SLC8A1: variants seen among roughly 807,000 people sequenced by gnomAD.
SLC8A1 encodes sodium/calcium exchanger 1.
In SLC8A1, 18 loss-of-function variants were observed where a neutral mutation model predicts 68.3. The ratio of observed to expected loss-of-function variants is 0.26; its 90% CI spans 0.18 to 0.39. SLC8A1 has a LOEUF of 0.39. SLC8A1 is among the 10% of genes least tolerant of loss of function. The probability of loss-of-function intolerance (pLI) is 1.00; values close to 1 mark genes in which losing one functional copy is unlikely to be tolerated. For synonymous variants in SLC8A1, 475 were observed against 415.5 expected, an observed-to-expected ratio of 1.14 and a Z score of -1.74; for missense variants, 985 against 1,156.7, an observed-to-expected ratio of 0.85 and a Z score of 2.15.
chr2:40,465,072 C>T (rs1703583084), intron 1 of SLC8A1, among the ~76,000 whole-genome samples: 1 of 152,110 alleles, frequency 6.6e-6, no homozygotes, highest in Non-Finnish European at 1.5e-5. Flanking sequence ...TTGCAAATCT[C>T]TAGAGAAGAA....
At chr2:40,158,261 G>GT (rs1454150114) in intron 6 of SLC8A1, among the ~76,000 whole-genome samples, 7 of 152,270 alleles carry the variant, frequency 4.6e-5, no homozygotes, top group Admixed American at 1.3e-4. Flanking sequence ...TATTGCCTGT[G>GT]TAACAGCCTA....
chr2:40,454,320 T>A (rs991400047), upstream of SLC8A1, among the ~76,000 whole-genome samples: 6 of 152,120 alleles, frequency 3.9e-5, no homozygotes, highest in African/African-American at 1.2e-4. Context: ...TTCACTGGAA[T>A]AGATTTTGTG....
intron 1 of SLC8A1, 75 bp from the exon 2 acceptor site, chr2:40,430,379 T>C (rs1428996112): frequency 1.4e-6 from 2 of 1,402,168 alleles, no homozygotes; most frequent in Non-Finnish European, 1.9e-6. Context: ...CATTACTAAT[T>C]ACTTATTTTT....
chr2:40,449,269 T>C (rs1235273450), intron 1 of SLC8A1, among the ~76,000 whole-genome samples: 2 of 152,176 alleles, frequency 1.3e-5, no homozygotes. Flanking sequence ...CTTGGCTGGC[T>C]TTTTAAAGGG....
intron 4 of SLC8A1, among the ~76,000 whole-genome samples, chr2:40,172,765 AC>A (rs1558616754): frequency 1.3e-5 from 2 of 152,024 alleles, no homozygotes; most frequent in Admixed American, 6.5e-5. Context: ...ACATGGTGAA[AC>A]CTTGTCTCTA....
intron 6 of SLC8A1, among the ~76,000 whole-genome samples, chr2:40,150,368 G>T (rs1330239696): frequency 6.6e-6 from 1 of 152,172 alleles, no homozygotes; most frequent in Admixed American, 6.5e-5. Flanking sequence ...GTTTGTGTGT[G>T]GTGGAGGGTG....
At chr2:40,327,831 A>G (rs571575986) in intron 2 of SLC8A1, among the ~76,000 whole-genome samples, 2 of 152,296 alleles carry the variant, frequency 1.3e-5, no homozygotes, top group East Asian at 3.9e-4. Context: ...GGGATCAGTC[A>G]TACCCCAAAC....
intron 1 of SLC8A1, among the ~76,000 whole-genome samples, chr2:40,494,617 A>G (rs747215282): frequency 6.9e-6 from 1 of 144,178 alleles, no homozygotes; most frequent in Non-Finnish European, 1.5e-5. Flanking sequence ...CGTTGTGTAC[A>G]TGTACCCTAG....
intron 2 of SLC8A1, among the ~76,000 whole-genome samples, chr2:40,233,716 T>C (rs182380173): frequency 6.7e-6 from 1 of 149,908 alleles, no homozygotes; most frequent in Admixed American, 6.7e-5. Flanking sequence ...CTTCTAGGGT[T>C]TTTATGGTTT....
At chr2:40,140,722 C>G (rs973747142) in intron 6 of SLC8A1, among the ~76,000 whole-genome samples, 7 of 152,222 alleles carry the variant, frequency 4.6e-5, no homozygotes, top group Non-Finnish European at 8.8e-5. Flanking sequence ...ATCTTTGTGT[C>G]CCTGCTGTTT....
At chr2:40,155,807 C>G (rs2044365471) in intron 6 of SLC8A1, among the ~76,000 whole-genome samples, 1 of 152,080 alleles carries the variant, frequency 6.6e-6, no homozygotes, top group South Asian at 2.1e-4. Flanking sequence ...AGGTGACATG[C>G]CCTCTACTTA....
At chr2:40,181,410 T>C (rs753478571) in intron 2 of SLC8A1, among the ~76,000 whole-genome samples, 1 of 152,182 alleles carries the variant, frequency 6.6e-6, no homozygotes, top group African/African-American at 2.4e-5. Context: ...TTGAAGTACT[T>C]GATAACTATG....
intron 2 of SLC8A1, among the ~76,000 whole-genome samples, chr2:40,339,894 T>C (rs1180568845): frequency 6.6e-6 from 1 of 152,234 alleles, no homozygotes; most frequent in African/African-American, 2.4e-5. Flanking sequence ...TCCTATTGCA[T>C]ACCTATTGTG....
At chr2:40,136,446 C>T (rs1022591148) in intron 7 of SLC8A1, among the ~76,000 whole-genome samples, 2 of 152,126 alleles carry the variant, frequency 1.3e-5, no homozygotes, top group Non-Finnish European at 2.9e-5. Flanking sequence ...TTCCTTGAGG[C>T]AGGAGGACTA....
intron 2 of SLC8A1, among the ~76,000 whole-genome samples, chr2:40,404,955 A>G (rs2216007): frequency 0.28 from 42,253 of 151,986 alleles, 6,001 homozygotes; most frequent in South Asian, 0.5. Context: ...AATTATTTCT[A>G]TTTGTCAAAT....
intron 2 of SLC8A1, among the ~76,000 whole-genome samples, chr2:40,362,081 G>A (rs1024220376): frequency 6.6e-6 from 1 of 151,254 alleles, no homozygotes; most frequent in Non-Finnish European, 1.5e-5. Context: ...TTTTAGTAGA[G>A]ATGGGGTTTC....
intron 2 of SLC8A1, among the ~76,000 whole-genome samples, chr2:40,189,520 C>T (rs922662919): frequency 6.6e-6 from 1 of 152,138 alleles, no homozygotes; most frequent in Admixed American, 6.6e-5. Context: ...AGGGTTTCAC[C>T]GTGTTGGCCA....
At chr2:40,115,529 G>A (rs878856540) in exon 8 of SLC8A1, 7 of 1,614,040 alleles carry the variant, frequency 4.3e-6, no homozygotes, top group Middle Eastern at 1.6e-4. Context: ...AGGCCACACC[G>A]ATTCCCAGGA....
chr2:40,099,951 C>T (rs3919540), exon 8 of SLC8A1: 59,290 of 151,876 alleles, frequency 0.39, 12,644 homozygotes, highest in East Asian at 0.75. Context: ...CTTTCTTTGC[C>T]CTTGTCCAGG....
Sources: gnomAD v4.1 joint callset for allele counts (sites outside exome capture counted in the v4.1 genomes callset) on GRCh38, gnomAD v4.1.1 for gene constraint, MANE v1.5 for transcripts, NCBI Gene and HGNC (gene_info 2026-07-23, HGNC 2026-07-21) for gene names.